KCNQ3: variants seen among roughly 807,000 people sequenced by gnomAD.
KCNQ3 encodes the protein potassium voltage-gated channel subfamily Q member 3.
A neutral mutation model predicts 92.5 loss-of-function variants in KCNQ3; 30 were observed. The observed-to-expected ratio is 0.32, with a 90% CI of 0.24 to 0.44. The LOEUF is 0.44. Ranked by LOEUF, KCNQ3 falls within the 20% of genes least tolerant of loss-of-function variation. The pLI is 1.00. For missense variants in KCNQ3, 913 were observed against 1,140.3 expected, an observed-to-expected ratio of 0.80 and a Z score of 2.87; for synonymous variants, 450 against 468.8, an observed-to-expected ratio of 0.96 and a Z score of 0.52.
At chr8:132,377,023 C>T (rs1020134935) in intron 1 of KCNQ3, among the ~76,000 whole-genome samples, 5 of 152,166 alleles carry the variant, frequency 3.3e-5, no homozygotes, top group Admixed American at 1.3e-4. Flanking sequence ...TAATTTCATG[C>T]GACAGCTTGA....
At chr8:132,266,828 A>C (rs1272597983) in intron 1 of KCNQ3, among the ~76,000 whole-genome samples, 5 of 152,176 alleles carry the variant, frequency 3.3e-5, no homozygotes, top group Non-Finnish European at 7.4e-5. Flanking sequence ...CCACAGTTGG[A>C]AAACTTCTGT....
chr8:132,351,555 T>C (rs1818866478), intron 1 of KCNQ3, among the ~76,000 whole-genome samples: 1 of 152,128 alleles, frequency 6.6e-6, no homozygotes, highest in Non-Finnish European at 1.5e-5. Flanking sequence ...ATATAGGTGT[T>C]CCCTCCTCCA....
At chr8:132,405,003 G>T (rs1410199223) in intron 1 of KCNQ3, among the ~76,000 whole-genome samples, 1 of 152,152 alleles carries the variant, frequency 6.6e-6, no homozygotes. Flanking sequence ...TTGCTGTGTT[G>T]AGTACACATC....
chr8:132,470,772 C>T (rs769295872), intron 1 of KCNQ3, among the ~76,000 whole-genome samples: 9 of 152,154 alleles, frequency 5.9e-5, no homozygotes, highest in Non-Finnish European at 1.3e-4. Flanking sequence ...GTCTCTTTAG[C>T]CTCCATTAAC....
chr8:132,286,090 A>G (rs1816672534), intron 1 of KCNQ3, among the ~76,000 whole-genome samples: 1 of 152,212 alleles, frequency 6.6e-6, no homozygotes, highest in African/African-American at 2.4e-5. Context: ...GAACCCAGGC[A>G]AAAATTTGCT....
chr8:132,186,907 C>CGT lies in KCNQ3; in HGVS notation c.387-728_387-727dup, dbSNP rs145871547. ...TGTTATCTTTATAAACTGTGAGGTG[C>CGT]GTGTGTGTGTGTGTGTGTGTGTGTG... On this transcript the variant is annotated intron_variant, in intron 1 of 14. Transcript: ENST00000388996. Among the ~76,000 whole-genome samples the CGT allele has an allele frequency of 1.5e-4, 17 of 111,478 alleles. No individual in the cohort carries two copies. In the East Asian group the frequency reaches 2.6e-3, roughly 17 times the overall value. 73.1% of individuals were successfully genotyped at this position (111,478 alleles called of 152,430 possible).
chr8:132,396,392 C>G (rs923338873), intron 1 of KCNQ3, among the ~76,000 whole-genome samples: 1 of 151,596 alleles, frequency 6.6e-6, no homozygotes, highest in Non-Finnish European at 1.5e-5. Context: ...CAAAACAAAA[C>G]CCGACCTCCT....
chr8:132,451,230 G>A (rs571455787), intron 1 of KCNQ3, among the ~76,000 whole-genome samples: 4 of 152,202 alleles, frequency 2.6e-5, no homozygotes, highest in Non-Finnish European at 4.4e-5. Context: ...CATGTAAAAC[G>A]TGACTTTGCT....
chr8:132,202,966 G>T (rs1480922152), intron 1 of KCNQ3, among the ~76,000 whole-genome samples: 3 of 99,580 alleles, frequency 3.0e-5, no homozygotes, highest in Non-Finnish European at 6.6e-5. Context: ...CACGGACTGG[G>T]CAATTTATTT....
chr8:132,337,467 G>A (rs767532924), intron 1 of KCNQ3, among the ~76,000 whole-genome samples: 2 of 152,048 alleles, frequency 1.3e-5, no homozygotes, highest in East Asian at 1.9e-4. Context: ...TCGTATCACT[G>A]TACTCCAGCC....
At chr8:132,472,847 G>A (rs915851469) in intron 1 of KCNQ3, among the ~76,000 whole-genome samples, 3 of 152,072 alleles carry the variant, frequency 2.0e-5, no homozygotes, top group Non-Finnish European at 2.9e-5. Context: ...CACAGTCTAC[G>A]CATGCAATGA....
intron 1 of KCNQ3, 129 bp from the exon 2 acceptor site, chr8:132,186,310 C>T: frequency 2.8e-6 from 2 of 701,900 alleles, no homozygotes; most frequent in Admixed American, 4.1e-5. Context: ...GCTTTATATG[C>T]TATCCCATTC....
At chr8:132,216,350 C>G (rs1179742846) in intron 1 of KCNQ3, among the ~76,000 whole-genome samples, 1 of 152,288 alleles carries the variant, frequency 6.6e-6, no homozygotes, top group African/African-American at 2.4e-5. Context: ...TGCTGTGCAC[C>G]AGGGCTGGAT....
Position 132,203,737 on chromosome 8 carries a change from G to C in KCNQ3, c.387-17556C>G, listed in dbSNP as rs369333465. On this transcript the variant is annotated intron_variant, in intron 1 of 14. Coordinates refer to ENST00000388996, the MANE Select transcript of KCNQ3 (RefSeq NM_004519.4). ...TGGGGATAATCATTTAAACTCAAAGGGTTGCTGTGAGAACTAAATATGCCT... is the reference window on the plus strand; with the variant it reads ...TGGGGATAATCATTTAAACTCAAAGCGTTGCTGTGAGAACTAAATATGCCT... Among the ~76,000 whole-genome samples the C allele has an allele frequency of 5.9e-5, 9 of 152,208 alleles. No homozygotes were observed. In the East Asian group the frequency reaches 7.7e-4, roughly 13 times the overall value.
intron 9 of KCNQ3, among the ~76,000 whole-genome samples, chr8:132,150,848 T>C (rs1825615358): frequency 6.6e-6 from 1 of 152,096 alleles, no homozygotes; most frequent in Non-Finnish European, 1.5e-5. Context: ...GTGTGTGTGA[T>C]GTCTGTAAAA....
At chr8:132,289,236 G>T (rs1199136929) in intron 1 of KCNQ3, among the ~76,000 whole-genome samples, 2 of 152,142 alleles carry the variant, frequency 1.3e-5, no homozygotes, top group Non-Finnish European at 2.9e-5. Context: ...TCATTGTATG[G>T]CATGCCAATT....
At chr8:132,284,336 G>A (rs1816618820) in intron 1 of KCNQ3, among the ~76,000 whole-genome samples, 1 of 152,128 alleles carries the variant, frequency 6.6e-6, no homozygotes, top group African/African-American at 2.4e-5. Context: ...ACCTCAGAAA[G>A]AAGAAACTCA....
intron 1 of KCNQ3, among the ~76,000 whole-genome samples, chr8:132,396,297 T>TGAC (rs1165209547): frequency 6.6e-6 from 1 of 151,928 alleles, no homozygotes; most frequent in African/African-American, 2.4e-5. Flanking sequence ...CTACGTACAC[T>TGAC]GACACTCTGC....
intron 9 of KCNQ3, among the ~76,000 whole-genome samples, chr8:132,153,717 A>G (rs942928969): frequency 4.5e-5 from 6 of 133,988 alleles, no homozygotes; most frequent in Admixed American, 1.5e-4. Flanking sequence ...GTAATAGTGG[A>G]TACTCCTACC....
Sources: gnomAD v4.1 joint callset for allele counts (sites outside exome capture counted in the v4.1 genomes callset) on GRCh38, gnomAD v4.1.1 for gene constraint, MANE v1.5 for transcripts, NCBI Gene and HGNC (gene_info 2026-07-23, HGNC 2026-07-21) for gene names.